Variants in DEPDC1 observed in about 807,000 individuals in gnomAD.
DEPDC1 encodes DEP domain containing 1.
Under a neutral mutation model 86.8 loss-of-function variants are expected in DEPDC1, and 66 were observed. The observed-to-expected ratio is 0.76, with a 90% confidence interval of 0.62 to 0.93. DEPDC1 has a LOEUF of 0.93. Among genes scored for constraint, DEPDC1 ranks in the 40% least tolerant of loss-of-function variants. The pLI is 0.00. For missense variants in DEPDC1, 792 were observed against 935.7 expected (o/e 0.85, Z 2.00); for synonymous variants, 255 against 314.9 (o/e 0.81, Z 2.02).
At chr1:68,478,446 ATTT>A (rs34245196) in intron 10 of DEPDC1, among the ~76,000 whole-genome samples, 20 of 146,306 alleles carry the variant, frequency 1.4e-4, no homozygotes, top group East Asian at 8.0e-4. Context: ...GTTTTCATGT[ATTT>A]TTTTTTTTTT....
intron 11 of DEPDC1, among the ~76,000 whole-genome samples, chr1:68,477,319 T>G (rs1024638607): frequency 6.6e-6 from 1 of 151,732 alleles, no homozygotes; most frequent in African/African-American, 2.4e-5. Flanking sequence ...ATTCCAGATC[T>G]TCTTTCCCAC....
At chr1:68,493,804 C>T (rs1646244850) in intron 2 of DEPDC1, among the ~76,000 whole-genome samples, 1 of 152,178 alleles carries the variant, frequency 6.6e-6, no homozygotes, top group South Asian at 2.1e-4. Flanking sequence ...CAACCTCCAC[C>T]TCCCAGGCTC....
At chr1:68,495,694 C>T (rs886588469) in intron 1 of DEPDC1, among the ~76,000 whole-genome samples, 5 of 152,188 alleles carry the variant, frequency 3.3e-5, no homozygotes, top group African/African-American at 1.2e-4. Flanking sequence ...TGGAGTTAGA[C>T]TAGTAGGGCT....
Position 68,479,133 on chromosome 1 carries a change from A to C in DEPDC1, c.2112+11T>G. 6.3e-7 allele frequency: 1 copy of C among 1,593,466 alleles called. No individual in the cohort carries two copies. The highest frequency in any genetic ancestry group is 2.3e-5 in the East Asian group (1 of 44,430). ...ACTATTGCAGAGAATTTTAAGACTCACAATACTTACATGTCCCTTTTTTAA... is the reference window on the plus strand; with the variant it reads ...ACTATTGCAGAGAATTTTAAGACTCCCAATACTTACATGTCCCTTTTTTAA... On this transcript the variant is annotated intron_variant, in intron 10 of 11. Coordinates refer to ENST00000456315, the MANE Select transcript of DEPDC1 (RefSeq NM_001114120.3).
chr1:68,487,857 T>C (rs1646202980), intron 5 of DEPDC1, among the ~76,000 whole-genome samples: 1 of 151,898 alleles, frequency 6.6e-6, no homozygotes, highest in African/African-American at 2.4e-5. Flanking sequence ...CTGAAATCAA[T>C]CAACTATATA....
chr1:68,495,210 A>T (rs537647118), intron 1 of DEPDC1, among the ~76,000 whole-genome samples: 1 of 152,196 alleles, frequency 6.6e-6, no homozygotes, highest in South Asian at 2.1e-4. Context: ...TAATATTTTT[A>T]TGTAATAGCT....
chr1:68,496,958 G>C lies in DEPDC1; in HGVS notation c.42C>G (p.Thr14=). 3 of 1,612,164 alleles carry C rather than the reference G, an allele frequency of 1.9e-6. No homozygotes were observed. The highest frequency in any genetic ancestry group is 1.1e-5 in the South Asian group (1 of 90,958). ...TCTATCCGAGCTGTCTTACCAGCTT[G>C]GTGGCCCGATAAGGCCCGGGAGGCA... ...QGVPPGPYRA[T]KLWNEVTTSF... Residue 14 remains threonine (T), a synonymous_variant, in exon 1 of 12, where the codon ACC becomes ACG. Transcript: ENST00000456315. This position sits in a 1 kb window ranked among gnomAD's most constrained non-coding sequence, Gnocchi z 4.0.
chr1:68,480,695 C>A (rs1411268909), intron 9 of DEPDC1, among the ~76,000 whole-genome samples: 1 of 151,940 alleles, frequency 6.6e-6, no homozygotes, highest in African/African-American at 2.4e-5. Context: ...AACTTCCTAG[C>A]TTTTTAATAG....
Position 68,488,919 on chromosome 1 carries a change from A to T in DEPDC1, c.587T>A (p.Ile196Asn). 1.3e-6 allele frequency: 2 copies of T among 1,549,116 alleles called. No individual in the cohort carries two copies. The highest frequency in any genetic ancestry group is 1.8e-6 in the Non-Finnish European group (2 of 1,123,492). The change falls in exon 4 of 12, where the codon ATC becomes AAC. Residue 196 changes from isoleucine (I) to asparagine (N), a missense_variant. Coordinates refer to ENST00000456315, the MANE Select transcript of DEPDC1 (RefSeq NM_001114120.3). ...TTAAAGCTTAATTTTATCTTACTAGATCAGAATAACATATCTCCAAACTTC... is the reference window on the plus strand; with the variant it reads ...TTAAAGCTTAATTTTATCTTACTAGTTCAGAATAACATATCTCCAAACTTC... ...VEEVWRYVIL[I>N]YLQTILGVPS...
At chr1:68,487,089 C>T in intron 5 of DEPDC1, 105 bp from the exon 6 acceptor site, 5 of 906,208 alleles carry the variant, frequency 5.5e-6, no homozygotes, top group Non-Finnish European at 7.9e-6. Flanking sequence ...TATACACATA[C>T]ACATACATGT....
Position 68,474,536 on chromosome 1 carries a change from T to C in DEPDC1, c.*2396A>G, listed in dbSNP as rs996222840. On this transcript the variant is annotated 3_prime_UTR_variant, in exon 12 of 12. Coordinates refer to ENST00000456315, the MANE Select transcript of DEPDC1 (RefSeq NM_001114120.3). ...TACAGAATAACCAGACATCATCTGA[T>C]CTGGTGAAACCTGTGCATTCCCACA... 6.6e-6 allele frequency: 1 copy of C among 152,092 alleles called. No homozygotes were observed. The highest frequency in any genetic ancestry group is 1.5e-5 in the Non-Finnish European group (1 of 67,986). The allele number at this position is 152,092 out of a possible 1,614,324, so 9.4% of individuals were successfully genotyped here.
intron 3 of DEPDC1, 58 bp downstream of exon 3, chr1:68,489,394 T>C: frequency 8.4e-7 from 1 of 1,186,210 alleles, no homozygotes; most frequent in Non-Finnish European, 1.1e-6. Flanking sequence ...TTAATGATTC[T>C]ATCATTGAGT....
intron 6 of DEPDC1, among the ~76,000 whole-genome samples, chr1:68,486,139 C>T (rs534387841): frequency 6.6e-6 from 1 of 152,086 alleles, no homozygotes; most frequent in South Asian, 2.1e-4. Flanking sequence ...GATCTGTCCT[C>T]ACCCAAATCT....
chr1:68,479,170 G>A lies in DEPDC1; in HGVS notation c.2086C>T (p.His696Tyr). 6.2e-7 allele frequency: 1 copy of A among 1,610,334 alleles called. No individual in the cohort carries two copies. The highest frequency in any genetic ancestry group is 1.1e-5 in the South Asian group (1 of 90,546). ...TGTCCCTTTTTTAAGTAGTCAAGAT[G>A]TTTTTCCACTGCAGTCTGTAAGTAA... ...PSYLQTAVEK[H>Y]LDYLKKGHIE... Residue 696 changes from histidine to tyrosine, a missense_variant, in exon 10 of 12, where the codon CAT becomes TAT. By Grantham distance (83) the His-to-Tyr change is moderately conservative. Coordinates refer to ENST00000456315, the MANE Select transcript of DEPDC1 (RefSeq NM_001114120.3).
At chr1:68,479,647 TAAA>T (rs368435308) in intron 9 of DEPDC1, among the ~76,000 whole-genome samples, 1 of 151,508 alleles carries the variant, frequency 6.6e-6, no homozygotes, top group Non-Finnish European at 1.5e-5. Flanking sequence ...TATGAAGAAA[TAAA>T]AAACTAGCCA....
intron 6 of DEPDC1, 56 bp downstream of exon 6, chr1:68,486,881 A>AAC (rs55915411): frequency 0.065 from 76,299 of 1,166,452 alleles, 573 homozygotes; most frequent in Middle Eastern, 0.085. Context: ...CTATCAATAT[A>AAC]ACACACACAC....
chr1:68,484,087 G>C lies in DEPDC1; in HGVS notation c.773C>G (p.Pro258Arg). Residue 258 changes from proline to arginine, a missense_variant, in exon 7 of 12, where the codon CCA becomes CGA. Transcript: ENST00000456315. ...LSAMKCLANW[P>R]RSNDMNNPTY... ...TGGATTATTCATATCATTGCTTCTT[G>C]GCCCTAAGAAGTAGAAGGCAAGAGA... 1.3e-6 allele frequency: 2 copies of C among 1,547,538 alleles called. No individual in the cohort carries two copies. The highest frequency in any genetic ancestry group is 1.7e-6 in the Non-Finnish European group (2 of 1,155,176).
At chr1:68,480,828 TA>T (rs1264248260) in intron 9 of DEPDC1, among the ~76,000 whole-genome samples, 1 of 151,970 alleles carries the variant, frequency 6.6e-6, no homozygotes, top group Non-Finnish European at 1.5e-5. Flanking sequence ...GAACCTCTTG[TA>T]AATTGAAGTT....
chr1:68,482,975 T>A, intron 7 of DEPDC1, 78 bp from the exon 8 acceptor site: 1 of 1,409,456 alleles, frequency 7.1e-7, no homozygotes, highest in Non-Finnish European at 9.6e-7. Context: ...ATAGTAAAGT[T>A]AAAAAATAAA....
Sources: allele counts gnomAD v4.1 joint callset (sites outside exome capture counted in the v4.1 genomes callset), GRCh38; gene constraint gnomAD v4.1.1; non-coding constraint Gnocchi (gnomAD v3.1); transcripts MANE v1.5; gene names NCBI Gene and HGNC (gene_info 2026-07-23, HGNC 2026-07-21).